Variants in EBF1 observed in about 807,000 individuals in gnomAD.
The protein encoded by EBF1 is EBF transcription factor 1, also known as transcription factor COE1.
A neutral mutation model predicts 68.4 loss-of-function variants in EBF1; 10 were observed. That is an observed-to-expected ratio of 0.15 (90% CI 0.09 to 0.25). The LOEUF is 0.25. Among genes scored for constraint, EBF1 ranks in the 10% least tolerant of loss-of-function variants. The pLI is 1.00. For synonymous variants in EBF1, 298 were observed against 299.8 expected, an observed-to-expected ratio of 0.99 and a Z score of 0.06; for missense variants, 509 against 794.4, an observed-to-expected ratio of 0.64 and a Z score of 4.32.
At chr5:159,000,719 C>T (rs12187379) in intron 6 of EBF1, among the ~76,000 whole-genome samples, 39,325 of 151,996 alleles carry the variant, frequency 0.26, 5,705 homozygotes, top group South Asian at 0.52. Flanking sequence ...GAACATAAAT[C>T]GTTGATATTG....
chr5:158,897,628 A>G (rs990895019), intron 6 of EBF1, among the ~76,000 whole-genome samples: 1 of 152,202 alleles, frequency 6.6e-6, no homozygotes, highest in African/African-American at 2.4e-5. Flanking sequence ...GACAGTTAAC[A>G]TGCATATGTG....
chr5:158,877,013 C>G (rs142042475), intron 6 of EBF1, among the ~76,000 whole-genome samples: 1 of 152,054 alleles, frequency 6.6e-6, no homozygotes, highest in South Asian at 2.1e-4. Context: ...AGAGAAATAC[C>G]CTGTTTTATT....
intron 5 of EBF1, among the ~76,000 whole-genome samples, chr5:159,081,105 T>G (rs1779673325): frequency 6.6e-6 from 1 of 151,914 alleles, no homozygotes; most frequent in Non-Finnish European, 1.5e-5. Context: ...CTCAGCCCCC[T>G]GAGTAGCTGG....
Position 158,876,484 on chromosome 5 carries a change from C to T in EBF1, c.555-36374G>A, listed in dbSNP as rs564950662. ...CTGGAGACTTCCTAGATGGGAGACA[C>T]ACTGATGTTTTCGGTCTCACTGAGC... is the stretch of plus-strand genomic sequence containing the variant. On this transcript the variant is annotated intron_variant, in intron 6 of 15. Coordinates refer to ENST00000313708, the MANE Select transcript of EBF1 (RefSeq NM_024007.5). Among the ~76,000 whole-genome samples the T allele has an allele frequency of 6.0e-4, 92 of 152,272 alleles. No homozygotes were observed. In the South Asian group the frequency reaches 0.016, roughly 26 times the overall value.
At chr5:159,044,458 A>G (rs1349898474) in intron 6 of EBF1, among the ~76,000 whole-genome samples, 1 of 152,202 alleles carries the variant, frequency 6.6e-6, no homozygotes, top group Non-Finnish European at 1.5e-5. Context: ...GTTCTGTCTC[A>G]CAAGAGAATC....
At chr5:158,892,322 C>T (rs1582941580) in intron 6 of EBF1, among the ~76,000 whole-genome samples, 1 of 152,068 alleles carries the variant, frequency 6.6e-6, no homozygotes, top group Admixed American at 6.6e-5. Flanking sequence ...AACTCCATCT[C>T]TACTAAAAAT....
At chr5:159,041,530 T>C (rs1771200683) in intron 6 of EBF1, among the ~76,000 whole-genome samples, 1 of 152,216 alleles carries the variant, frequency 6.6e-6, no homozygotes, top group South Asian at 2.1e-4. Context: ...TGCATTTTAG[T>C]CACTTCTAGA....
intron 6 of EBF1, among the ~76,000 whole-genome samples, chr5:158,928,774 T>C (rs1489976617): frequency 6.6e-6 from 1 of 152,224 alleles, no homozygotes; most frequent in Non-Finnish European, 1.5e-5. Context: ...TATAGTTTTA[T>C]TTGAAACAAG....
intron 6 of EBF1, among the ~76,000 whole-genome samples, chr5:158,970,866 T>G (rs968219034): frequency 1.3e-5 from 2 of 152,228 alleles, no homozygotes; most frequent in Non-Finnish European, 2.9e-5. Context: ...CACTTCCAAG[T>G]GCCTTTCAGC....
intron 6 of EBF1, among the ~76,000 whole-genome samples, chr5:159,066,169 G>T (rs528894891): frequency 2.0e-4 from 30 of 152,220 alleles, no homozygotes; most frequent in African/African-American, 5.8e-4. Context: ...CTGCTCTGTA[G>T]CATATGGCAA....
intron 6 of EBF1, among the ~76,000 whole-genome samples, chr5:159,071,070 G>A (rs977699285): frequency 3.9e-5 from 6 of 152,128 alleles, no homozygotes; most frequent in East Asian, 1.9e-4. Context: ...TTAAGAATGG[G>A]AGTTTCACAT....
intron 6 of EBF1, among the ~76,000 whole-genome samples, chr5:159,004,647 G>A (rs1763205578): frequency 6.6e-6 from 1 of 152,150 alleles, no homozygotes; most frequent in South Asian, 2.1e-4. Context: ...TGCTTAGCTT[G>A]TTCTATAATG....
At chr5:158,909,751 A>G (rs1805488204) in intron 6 of EBF1, among the ~76,000 whole-genome samples, 1 of 152,100 alleles carries the variant, frequency 6.6e-6, no homozygotes, top group Non-Finnish European at 1.5e-5. Flanking sequence ...ATCCTGGCCA[A>G]CATAGTAAAA....
At chr5:158,787,285 C>T (rs1207087189) in intron 9 of EBF1, among the ~76,000 whole-genome samples, 1 of 152,138 alleles carries the variant, frequency 6.6e-6, no homozygotes, top group African/African-American at 2.4e-5. Flanking sequence ...TCTGTGTTTG[C>T]TTTTTCGGCT....
chr5:158,768,066 G>A (rs1298970534), intron 10 of EBF1, among the ~76,000 whole-genome samples: 2 of 151,998 alleles, frequency 1.3e-5, no homozygotes, highest in Non-Finnish European at 2.9e-5. Context: ...AATGCTTTTG[G>A]GAGCCGCTCC....
chr5:158,866,270 G>A (rs1795845773), intron 6 of EBF1, among the ~76,000 whole-genome samples: 2 of 152,142 alleles, frequency 1.3e-5, no homozygotes, highest in African/African-American at 4.8e-5. Flanking sequence ...AGAAAGTCAG[G>A]TTTCCCCATT....
At chr5:158,748,024 T>C (rs1422132575) in intron 10 of EBF1, among the ~76,000 whole-genome samples, 1 of 152,196 alleles carries the variant, frequency 6.6e-6, no homozygotes, top group Non-Finnish European at 1.5e-5. Context: ...GAAGTAATGG[T>C]GTTATCTTTC....
At chr5:158,784,098 T>A (rs1454839435) in intron 9 of EBF1, among the ~76,000 whole-genome samples, 2 of 152,248 alleles carry the variant, frequency 1.3e-5, no homozygotes, top group Non-Finnish European at 2.9e-5. Context: ...TCAACTATAA[T>A]GACCTTTTGT....
chr5:158,986,588 T>C (rs1759134415), intron 6 of EBF1: 1 of 152,256 alleles, frequency 6.6e-6, no homozygotes, highest in African/African-American at 2.4e-5. Context: ...GATTTCATGA[T>C]GTTGGCATCA....
Sources: allele counts gnomAD v4.1 joint callset (sites outside exome capture counted in the v4.1 genomes callset), GRCh38; gene constraint gnomAD v4.1.1; transcripts MANE v1.5; gene names NCBI Gene and HGNC (gene_info 2026-07-23, HGNC 2026-07-21).